Variants in LAMA2 observed in about 807,000 individuals in gnomAD.
LAMA2 encodes the protein laminin subunit alpha 2, also known as laminin subunit alpha-2.
Under a neutral mutation model 364.8 loss-of-function variants are expected in LAMA2, and 269 were observed. The ratio of observed to expected loss-of-function variants is 0.74; its 90% CI spans 0.67 to 0.82. The LOEUF is 0.82. LAMA2 is among the 40% of genes least tolerant of loss of function. The pLI is 0.00. For missense variants in LAMA2, 3,807 were observed against 3,873.2 expected, an observed-to-expected ratio of 0.98 and a Z score of 0.45; for synonymous variants, 1,379 against 1,370.6, an observed-to-expected ratio of 1.01 and a Z score of -0.14.
At chr6:128,954,874 A>T (rs1054286124) in intron 1 of LAMA2, among the ~76,000 whole-genome samples, 6 of 151,550 alleles carry the variant, frequency 4.0e-5, no homozygotes, top group African/African-American at 1.5e-4. Context: ...TACTCTAAGA[A>T]CTCCCCATAT....
intron 1 of LAMA2, among the ~76,000 whole-genome samples, chr6:128,902,956 A>G (rs1278135872): frequency 6.6e-6 from 1 of 152,152 alleles, no homozygotes; most frequent in Admixed American, 6.5e-5. Flanking sequence ...TCATTTTTGC[A>G]TTCTATTCAT....
At chr6:129,239,593 C>A (rs1478280197) in intron 12 of LAMA2, among the ~76,000 whole-genome samples, 3 of 152,162 alleles carry the variant, frequency 2.0e-5, no homozygotes, top group Admixed American at 6.5e-5. Context: ...TTTTCTATCA[C>A]CCCAGACAGG....
intron 40 of LAMA2, 30 bp from the exon 41 acceptor site, chr6:129,427,722 G>A: frequency 1.3e-6 from 2 of 1,490,502 alleles, no homozygotes; most frequent in Middle Eastern, 1.7e-4. Flanking sequence ...TATGGTTTTA[G>A]ATGTATGACA....
intron 12 of LAMA2, among the ~76,000 whole-genome samples, chr6:129,241,355 A>C (rs911987289): frequency 6.6e-6 from 1 of 152,220 alleles, no homozygotes. Flanking sequence ...TGCATTTAGA[A>C]TTATGAAATA....
At chr6:129,017,073 A>T (rs1167470029) in intron 1 of LAMA2, among the ~76,000 whole-genome samples, 1 of 151,972 alleles carries the variant, frequency 6.6e-6, no homozygotes, top group African/African-American at 2.4e-5. Flanking sequence ...AGACTTCTGC[A>T]TCGCAAACCA....
At chr6:128,889,510 G>C (rs1388107356) in intron 1 of LAMA2, among the ~76,000 whole-genome samples, 2 of 151,992 alleles carry the variant, frequency 1.3e-5, no homozygotes, top group East Asian at 3.9e-4. Context: ...GAACAAAAAA[G>C]GTAAAAAAAT....
chr6:129,342,244 T>A, intron 29 of LAMA2, 99 bp from the exon 30 acceptor site: 2 of 976,604 alleles, frequency 2.0e-6, no homozygotes, highest in Non-Finnish European at 3.2e-6. Flanking sequence ...AAAGTATATG[T>A]GTTCATAGAC....
intron 4 of LAMA2, among the ~76,000 whole-genome samples, chr6:129,132,928 G>C (rs1777576570): frequency 6.6e-6 from 1 of 152,182 alleles, no homozygotes; most frequent in Admixed American, 6.5e-5. Flanking sequence ...AGTAAGTGGA[G>C]GAGCCAGAAT....
In LAMA2 at chr6:129,339,805, C is replaced by T. The variant is rs999063661; in HGVS notation, c.4312-2538C>T. ...AGATCACGGGGTCAAGAGATGGAGA[C>T]GATCCTGGCCAGCATGGTGAAACCC... On this transcript the variant is annotated intron_variant, in intron 29 of 64. Coordinates refer to ENST00000421865, the MANE Select transcript of LAMA2 (RefSeq NM_000426.4). 9.9e-5 allele frequency among the ~76,000 whole-genome samples: 15 copies of T among 152,188 alleles called. No individual in the cohort carries two copies. In the South Asian group the frequency reaches 1.2e-3, roughly 13 times the overall value.
chr6:129,191,796 C>T (rs550430316), intron 11 of LAMA2, among the ~76,000 whole-genome samples: 2 of 152,302 alleles, frequency 1.3e-5, no homozygotes, highest in South Asian at 2.1e-4. Flanking sequence ...CATTCTGCTT[C>T]CCATCACCCA....
At chr6:128,920,416 A>G (rs890807487) in intron 1 of LAMA2, among the ~76,000 whole-genome samples, 5 of 151,910 alleles carry the variant, frequency 3.3e-5, no homozygotes, top group Non-Finnish European at 7.4e-5. Flanking sequence ...TCAGGCTCCC[A>G]AAGTGCTGGG....
At chr6:129,205,664 T>A (rs1054276467) in intron 12 of LAMA2, among the ~76,000 whole-genome samples, 2 of 151,932 alleles carry the variant, frequency 1.3e-5, no homozygotes, top group Non-Finnish European at 2.9e-5. Context: ...CACTATAAAA[T>A]TATTAAAAAA....
intron 1 of LAMA2, among the ~76,000 whole-genome samples, chr6:129,016,281 TC>T (rs1785069106): frequency 6.6e-6 from 1 of 152,054 alleles, no homozygotes; most frequent in Admixed American, 6.6e-5. Context: ...TTTGGCATTA[TC>T]TAATGAAATT....
intron 18 of LAMA2, among the ~76,000 whole-genome samples, chr6:129,287,048 A>AGAGAG (rs1562418401): frequency 5.3e-4 from 1 of 1,896 alleles, no homozygotes; most frequent in East Asian, 2.4e-3. Flanking sequence ...GGAAGGAAGG[A>AGAGAG]AGCAAGGAAG....
At chr6:129,081,367 A>G (rs931729038) in intron 3 of LAMA2, among the ~76,000 whole-genome samples, 11 of 152,210 alleles carry the variant, frequency 7.2e-5, no homozygotes, top group Admixed American at 3.9e-4. Context: ...CATTGTGCAC[A>G]TGTATCCTAT....
Position 129,049,972 on chromosome 6 carries a change from C to T in LAMA2, c.167C>T (p.Ala56Val). The T allele has an allele frequency of 6.2e-7, 1 of 1,613,794 alleles. No homozygotes were observed. The highest frequency in any genetic ancestry group is 1.1e-5 in the South Asian group (1 of 91,072). The stretch of plus-strand genomic sequence containing the variant: ...TCTAATGCTCTTATCACGACCAATG[C>T]AACATGTGGAGAAAAAGGACCTGAA... ...LASNALITTN[A>V]TCGEKGPEMY... The change falls in exon 2 of 65, where the codon GCA becomes GTA. Residue 56 changes from alanine (A) to valine (V), a missense_variant. This residue lies in a region of LAMA2 where 394 missense variants were observed against 403.5 expected (regional missense o/e 0.98). Coordinates refer to ENST00000421865, the MANE Select transcript of LAMA2 (RefSeq NM_000426.4).
chr6:128,986,349 T>C (rs933988664), intron 1 of LAMA2, among the ~76,000 whole-genome samples: 2 of 152,116 alleles, frequency 1.3e-5, no homozygotes, highest in Non-Finnish European at 2.9e-5. Context: ...TGAAAAAGGG[T>C]ATTTCAAGAC....
chr6:129,207,985 T>C (rs1407769547), intron 12 of LAMA2, among the ~76,000 whole-genome samples: 8 of 152,208 alleles, frequency 5.3e-5, no homozygotes, highest in African/African-American at 1.9e-4. Context: ...GGGTTTATTA[T>C]ATAATAGTTT....
intron 1 of LAMA2, among the ~76,000 whole-genome samples, chr6:129,005,726 G>A (rs937504598): frequency 6.6e-6 from 1 of 150,902 alleles, no homozygotes; most frequent in African/African-American, 2.4e-5. Context: ...GTGTGTGTGT[G>A]TATGTGTGTG....
Sources: allele counts gnomAD v4.1 joint callset (sites outside exome capture counted in the v4.1 genomes callset), GRCh38; gene constraint gnomAD v4.1.1; regional missense constraint gnomAD v4.1.1; transcripts MANE v1.5; gene names NCBI Gene and HGNC (gene_info 2026-07-23, HGNC 2026-07-21).